The following NFATC1 variants were observed in gnomAD, a reference collection of about 807,000 sequenced individuals.
NFATC1 encodes the protein nuclear factor of activated T cells 1.
A neutral mutation model predicts 76.0 loss-of-function variants in NFATC1; 22 were observed. The observed-to-expected ratio is 0.29, with a 90% CI of 0.21 to 0.41. NFATC1 has a LOEUF of 0.41. Among genes scored for constraint, NFATC1 ranks in the 10% least tolerant of loss-of-function variants. The pLI is 1.00. For missense variants in NFATC1, 1,357 were observed against 1,337.7 expected (o/e 1.01, Z -0.23); for synonymous variants, 704 against 613.1 (o/e 1.15, Z -2.19).
intron 9 of NFATC1, among the ~76,000 whole-genome samples, chr18:79,519,952 A>G (rs2090474735): frequency 6.6e-6 from 1 of 152,198 alleles, no homozygotes; most frequent in South Asian, 2.1e-4. Context: ...AAAGTCCTGG[A>G]CGGGCGAGAT....
At chr18:79,427,436 G>T (rs1460759814) in intron 2 of NFATC1, among the ~76,000 whole-genome samples, 1 of 103,422 alleles carries the variant, frequency 9.7e-6, no homozygotes, top group Non-Finnish European at 1.9e-5. Flanking sequence ...GGGTGGGGGG[G>T]AGCTGGACGG....
In NFATC1 at chr18:79,457,422, G is replaced by A. The variant is rs546352374; in HGVS notation, c.1904-3889G>A. Among the ~76,000 whole-genome samples, 43 of 152,240 alleles carry A rather than the reference G, an allele frequency of 2.8e-4. No individual in the cohort carries two copies. In the Middle Eastern group the frequency reaches 0.01, roughly 36 times the overall value. ...CCCCGCTGGTGTGGGGAGGCCACGC[G>A]TCACGTCAGTCCCCACTGCAGGAGG... On this transcript the variant is annotated intron_variant, in intron 6 of 9. Transcript: ENST00000427363.
In NFATC1 at chr18:79,527,562, G is replaced by T. The variant is rs749056294; in HGVS notation, c.2817G>T (p.Thr939=). The part of the protein sequence containing the change: ...NEIIRNDLSS[T]STHS The stretch of plus-strand genomic sequence containing the variant: ...TAATACGAAATGACCTCTCCAGCAC[G>T]AGCACCCACTCCTAGTTGCCACATT... Residue 939 remains threonine (T), a synonymous_variant, in exon 10 of 10, where the codon ACG becomes ACT. Transcript: ENST00000427363. The T allele has an allele frequency of 5.0e-6, 8 of 1,613,932 alleles. No individual in the cohort carries two copies. Among genetic ancestry groups the T allele is most frequent in the Non-Finnish European group, 6.8e-6 (8 of 1,179,954 alleles).
intron 9 of NFATC1, among the ~76,000 whole-genome samples, chr18:79,513,865 C>T (rs922153716): frequency 7.9e-5 from 12 of 152,226 alleles, no homozygotes; most frequent in Non-Finnish European, 7.3e-5. Context: ...TGCATGCCCA[C>T]GTCCAGGACG....
chr18:79,493,682 C>G (rs535948019), intron 9 of NFATC1: 2 of 152,182 alleles, frequency 1.3e-5, no homozygotes, highest in Admixed American at 6.5e-5. Context: ...CCTGGCCCGG[C>G]GCCCAGGTCT....
At chr18:79,502,178 A>C (rs530260342) in intron 9 of NFATC1, among the ~76,000 whole-genome samples, 7 of 152,364 alleles carry the variant, frequency 4.6e-5, no homozygotes, top group African/African-American at 1.4e-4. Context: ...GCGCAGAATT[A>C]AAAGCCCCAA....
chr18:79,398,923 TGA>T (rs1272188147), intron 1 of NFATC1, among the ~76,000 whole-genome samples: 1 of 152,150 alleles, frequency 6.6e-6, no homozygotes, highest in East Asian at 1.9e-4. Flanking sequence ...AAAAATTAGC[TGA>T]GAGTGGTGGC....
chr18:79,416,766 C>T (rs2085890524), intron 2 of NFATC1, among the ~76,000 whole-genome samples: 2 of 152,240 alleles, frequency 1.3e-5, no homozygotes, highest in African/African-American at 4.8e-5. Flanking sequence ...CAACCCACAG[C>T]CAGCCTCGAA....
chr18:79,514,050 G>T (rs536901658), intron 9 of NFATC1, among the ~76,000 whole-genome samples: 1 of 152,178 alleles, frequency 6.6e-6, no homozygotes, highest in Non-Finnish European at 1.5e-5. Context: ...GGAGTGGCAG[G>T]TTCCTCCAGG....
At chr18:79,511,339 T>G (rs1407197731) in intron 9 of NFATC1, among the ~76,000 whole-genome samples, 3 of 152,216 alleles carry the variant, frequency 2.0e-5, no homozygotes, top group Non-Finnish European at 4.4e-5. Flanking sequence ...GTTGGGAGTT[T>G]GGCCAGCACC....
chr18:79,420,611 G>A (rs762721505), intron 2 of NFATC1, among the ~76,000 whole-genome samples: 7 of 151,640 alleles, frequency 4.6e-5, no homozygotes, highest in Non-Finnish European at 7.4e-5. Context: ...GGGAGACGTC[G>A]CTGCAGAGGG....
chr18:79,411,872 C>T (rs1414821593), intron 2 of NFATC1, among the ~76,000 whole-genome samples: 6 of 152,366 alleles, frequency 3.9e-5, no homozygotes. Flanking sequence ...AGACGCCATC[C>T]GCCCCTAAGG....
rs1283616932 is a variant in NFATC1 at position 79,484,804 on chromosome 18, C to A, written c.2093-1444C>A. ...TGTGGCGGGAAGGTGGCTTGGCCAC[C>A]ATGGATGACTCGCGCCTGCCTTCAC... On this transcript the variant is annotated intron_variant, in intron 8 of 9. Coordinates refer to ENST00000427363, the MANE Select transcript of NFATC1 (RefSeq NM_001278669.2). Among the ~76,000 whole-genome samples, 3 of 152,254 alleles carry A rather than the reference C, an allele frequency of 2.0e-5. No individual in the cohort carries two copies. The East Asian group carries it at 5.8e-4, about 29-fold the overall frequency.
intron 2 of NFATC1, among the ~76,000 whole-genome samples, chr18:79,432,191 G>A (rs543308195): frequency 9.2e-5 from 14 of 152,376 alleles, no homozygotes; most frequent in African/African-American, 2.4e-4. Context: ...TAAAACTGAC[G>A]TAGAATGATG....
intron 6 of NFATC1, among the ~76,000 whole-genome samples, chr18:79,458,448 G>A (rs144752893): frequency 1.0e-3 from 155 of 152,194 alleles, no homozygotes; most frequent in African/African-American, 3.5e-3. Context: ...CAGTGGCTCA[G>A]CATCAGCACC....
chr18:79,472,152 G>GGGGGGGC (rs1569003092), intron 8 of NFATC1, among the ~76,000 whole-genome samples: 1 of 152,080 alleles, frequency 6.6e-6, no homozygotes, highest in East Asian at 1.9e-4. Context: ...TGTGAGCCGT[G>GGGGGGGC]GGGGGGCGGG....
At chr18:79,503,581 G>C (rs1434014564) in intron 9 of NFATC1, among the ~76,000 whole-genome samples, 1 of 152,190 alleles carries the variant, frequency 6.6e-6, no homozygotes, top group Non-Finnish European at 1.5e-5. Flanking sequence ...ACAGGCAGAG[G>C]AGATTCCGCG....
intron 9 of NFATC1, among the ~76,000 whole-genome samples, chr18:79,526,292 C>A (rs369931942): frequency 2.0e-5 from 3 of 152,352 alleles, no homozygotes; most frequent in East Asian, 3.9e-4. Context: ...CCTTCTGGTG[C>A]CTTCCACACT....
intron 6 of NFATC1, among the ~76,000 whole-genome samples, chr18:79,459,080 G>A (rs971180742): frequency 2.6e-5 from 4 of 152,248 alleles, no homozygotes; most frequent in African/African-American, 4.8e-5. Flanking sequence ...CTCAGCCGGG[G>A]TCTTTGAGGA....
Sources: allele counts gnomAD v4.1 joint callset (sites outside exome capture counted in the v4.1 genomes callset), GRCh38; gene constraint gnomAD v4.1.1; transcripts MANE v1.5; gene names NCBI Gene and HGNC (gene_info 2026-07-23, HGNC 2026-07-21).